Variants in ANXA4 observed in about 807,000 individuals in gnomAD.
ANXA4 encodes the protein annexin A4, also known as 35-beta calcimedin.
Under a neutral mutation model 49.8 loss-of-function variants are expected in ANXA4, and 39 were observed. The ratio of observed to expected loss-of-function variants is 0.78; its 90% CI spans 0.61 to 1.02. The LOEUF (loss-of-function observed/expected upper bound fraction) is 1.02, where lower values mean the gene tolerates loss of function less well. Ranked by LOEUF, ANXA4 falls within the 50% of genes least tolerant of loss-of-function variation. ANXA4 has a pLI of 0.00. For missense variants in ANXA4, 360 were observed against 410.1 expected (o/e 0.88, Z 1.05); for synonymous variants, 134 against 152.5 (o/e 0.88, Z 0.89).
chr2:69,665,576 AAAGT>A (rs1676904194), intron 2 of ANXA4, among the ~76,000 whole-genome samples: 1 of 152,176 alleles, frequency 6.6e-6, no homozygotes, highest in Non-Finnish European at 1.5e-5. Flanking sequence ...TTTCCAGATA[AAAGT>A]GAGTTTTAGC....
intron 4 of ANXA4, 68 bp downstream of exon 4, chr2:69,804,695 AT>A (rs1221220993): frequency 7.6e-7 from 1 of 1,319,664 alleles, no homozygotes; most frequent in African/African-American, 1.5e-5. Context: ...CCTCTTCCTG[AT>A]CTAGGTTCCC....
intron 10 of ANXA4, 105 bp downstream of exon 10, chr2:69,818,799 T>G (rs1365988158): frequency 2.9e-6 from 2 of 698,852 alleles, no homozygotes; most frequent in African/African-American, 3.7e-5. Context: ...TAAAAGTTGT[T>G]TATCATGAAT....
At chr2:69,759,753 A>G (rs570736483) in intron 1 of ANXA4, among the ~76,000 whole-genome samples, 3 of 152,224 alleles carry the variant, frequency 2.0e-5, no homozygotes, top group Non-Finnish European at 4.4e-5. Flanking sequence ...AAACCAAAAA[A>G]TAATTTTTTG....
intron 11 of ANXA4, among the ~76,000 whole-genome samples, chr2:69,820,074 GA>G (rs201509115): frequency 0.22 from 26,157 of 118,944 alleles, 2,295 homozygotes; most frequent in Non-Finnish European, 0.23. Context: ...TCTCAAAAAA[GA>G]AAAAAAAAAA....
intron 3 of ANXA4, among the ~76,000 whole-genome samples, chr2:69,732,166 A>T (rs548407766): frequency 1.3e-5 from 2 of 151,494 alleles, no homozygotes; most frequent in African/African-American, 2.4e-5. Context: ...TTTAGTAAAG[A>T]TGGGGTTTCA....
At position 69,718,989 on chromosome 2, in the gene ANXA4, T is replaced by G. The variant is rs189581492; in HGVS notation, n.767-1785T>G. On this transcript the variant is annotated intron_variant and non_coding_transcript_variant, in intron 2 of 3. Transcript: ENST00000418066. ...CAAGCTAGCTACCCTCCTTTTTTTT[T>G]TTTTTGTGACTGAGTCTCACACTGT... 4.7e-4 allele frequency among the ~76,000 whole-genome samples: 71 copies of G among 151,994 alleles called. 1 individual carries two copies. In the East Asian group the frequency reaches 0.012, roughly 26 times the overall value.
intron 3 of ANXA4, among the ~76,000 whole-genome samples, chr2:69,800,326 A>G (rs1480538843): frequency 6.6e-6 from 1 of 152,206 alleles, no homozygotes; most frequent in Non-Finnish European, 1.5e-5. Flanking sequence ...TTCAAAATGT[A>G]GCCCATGTTA....
At position 69,656,389 on chromosome 2, in the gene ANXA4, GTGTATATATATGTATATATATGTA is replaced by G. The variant is rs1395357577; in HGVS notation, n.766+3109_766+3132del. Among the ~76,000 whole-genome samples, 143 of 85,798 alleles carry G rather than the reference GTGTATATATATGTATATATATGTA, an allele frequency of 1.7e-3. 21 individuals carry two copies. In the East Asian group the frequency reaches 0.063, roughly 38 times the overall value. The allele number at this position is 85,798 out of a possible 152,430, so 56.3% of individuals were successfully genotyped here. ...TATGTGTATATATGTGTATATATAT[GTGTATATATATGTATATATATGTA>G]TATATATATGTGTGTGTATATATAT... On this transcript the variant is annotated intron_variant and non_coding_transcript_variant, in intron 2 of 3. Transcript: ENST00000418066.
chr2:69,823,313 TC>T, intron 12 of ANXA4, among the ~76,000 whole-genome samples: 1 of 150,598 alleles, frequency 6.6e-6, no homozygotes, highest in African/African-American at 2.4e-5. Context: ...AATACATTAC[TC>T]ATTCAATAAT....
intron 2 of ANXA4, among the ~76,000 whole-genome samples, chr2:69,703,778 CTA>C (rs940537516): frequency 2.6e-5 from 4 of 151,992 alleles, no homozygotes; most frequent in Non-Finnish European, 5.9e-5. Context: ...ATTCCATTAT[CTA>C]TCTAAATCTC....
intron 2 of ANXA4, among the ~76,000 whole-genome samples, chr2:69,660,616 A>C (rs1183338345): frequency 1.3e-5 from 2 of 152,232 alleles, no homozygotes; most frequent in Middle Eastern, 3.2e-3. Flanking sequence ...AAGAAACAAC[A>C]GATAAATCTA....
At chr2:69,774,849 T>C (rs1671902466) in intron 1 of ANXA4, among the ~76,000 whole-genome samples, 1 of 152,174 alleles carries the variant, frequency 6.6e-6, no homozygotes, top group African/African-American at 2.4e-5. Context: ...GTGGCTTTTG[T>C]CCAGTCCACC....
chr2:69,661,047 A>C (rs1559052251), intron 2 of ANXA4, among the ~76,000 whole-genome samples: 1 of 152,146 alleles, frequency 6.6e-6, no homozygotes. Flanking sequence ...GAGGAAATAT[A>C]GATTACTCAC....
At chr2:69,823,311 A>G (rs1674325024) in intron 12 of ANXA4, among the ~76,000 whole-genome samples, 1 of 151,490 alleles carries the variant, frequency 6.6e-6, no homozygotes, top group South Asian at 2.1e-4. Context: ...AGAATACATT[A>G]CTCATTCAAT....
At chr2:69,666,730 A>G (rs1002042535) in intron 2 of ANXA4, among the ~76,000 whole-genome samples, 2 of 152,234 alleles carry the variant, frequency 1.3e-5, no homozygotes, top group African/African-American at 4.8e-5. Flanking sequence ...GAAAGAAGCC[A>G]GTAACAAAGG....
rs1436896190 is a variant in ANXA4 at position 69,769,938 on chromosome 2, C to T, written c.-46-11582C>T. Among the ~76,000 whole-genome samples the T allele has an allele frequency of 4.6e-5, 7 of 152,320 alleles. No homozygotes were observed. In the South Asian group the frequency reaches 1.2e-3, roughly 27 times the overall value. ...TCAGCCTCCCAAAGTGCTGGGTTTA[C>T]AGGTGTGAGCCACTGCACCAGGCCT... is the stretch of plus-strand genomic sequence containing the variant. On this transcript the variant is annotated intron_variant, in intron 1 of 12. Coordinates refer to ENST00000394295, the MANE Select transcript of ANXA4 (RefSeq NM_001153.5).
chr2:69,825,821 T>A lies in ANXA4; in HGVS notation c.*306T>A, dbSNP rs1674447854. On this transcript the variant is annotated 3_prime_UTR_variant, in exon 13 of 13. Coordinates refer to ENST00000394295, the MANE Select transcript of ANXA4 (RefSeq NM_001153.5). ...TTGTGTTTCACAGACATTGAATATA[T>A]TAAATTATTCCATATTTTCTTTTCA... The A allele has an allele frequency of 4.5e-6, 1 of 221,610 alleles. No individual in the cohort carries two copies. Among genetic ancestry groups the A allele is most frequent in the Admixed American group, 5.7e-5 (1 of 17,498 alleles). The allele number at this position is 221,610 out of a possible 1,614,324, so 13.7% of individuals were successfully genotyped here.
chr2:69,751,932 T>C (rs1670859581), intron 1 of ANXA4, among the ~76,000 whole-genome samples: 1 of 152,124 alleles, frequency 6.6e-6, no homozygotes, highest in Admixed American at 6.6e-5. Context: ...ACACACTGAC[T>C]CAGGGAGATA....
intron 2 of ANXA4, among the ~76,000 whole-genome samples, chr2:69,710,124 A>G (rs940822912): frequency 1.3e-5 from 2 of 151,458 alleles, no homozygotes; most frequent in Admixed American, 1.3e-4. Flanking sequence ...AGTAGCTGGG[A>G]TTACAGGCAT....
Sources: gnomAD v4.1 joint callset for allele counts (sites outside exome capture counted in the v4.1 genomes callset) on GRCh38, gnomAD v4.1.1 for gene constraint, MANE v1.5 for transcripts, NCBI Gene and HGNC (gene_info 2026-07-23, HGNC 2026-07-21) for gene names.